Variants in BBS5 observed in about 807,000 individuals in gnomAD.
BBS5 encodes the protein Bardet-Biedl syndrome 5.
Under a neutral mutation model 50.2 loss-of-function variants are expected in BBS5, and 39 were observed. That is an observed-to-expected ratio of 0.78 (90% CI 0.60 to 1.01). The LOEUF (loss-of-function observed/expected upper bound fraction) is 1.01. BBS5 is among the 50% of genes least tolerant of loss of function. The pLI, the probability that BBS5 is intolerant of heterozygous loss-of-function variation, is 0.00. For synonymous variants in BBS5, 134 were observed against 133.1 expected (o/e 1.01, Z -0.05); for missense variants, 356 against 401.5 (o/e 0.89, Z 0.97).
chr2:169,497,792 A>C (rs1683722946), intron 8 of BBS5, 103 bp downstream of exon 8: 1 of 761,808 alleles, frequency 1.3e-6, no homozygotes, highest in Admixed American at 2.2e-5. Flanking sequence ...TCTGAGAAGA[A>C]TATTAGCTTT....
chr2:169,504,860 C>T lies in BBS5; in HGVS notation c.*278C>T. On this transcript the variant is annotated 3_prime_UTR_variant, in exon 12 of 12. Coordinates refer to ENST00000295240, the MANE Select transcript of BBS5 (RefSeq NM_152384.3). ...TAGCTGGATTCCTCAGGCCCGGGCGCTCCTACAGCAGTGCCTGCACGCCCG... is the reference window on the plus strand; with the variant it reads ...TAGCTGGATTCCTCAGGCCCGGGCGTTCCTACAGCAGTGCCTGCACGCCCG... 6.2e-7 allele frequency: 1 copy of T among 1,612,248 alleles called. No homozygotes were observed. Among genetic ancestry groups the T allele is most frequent in the South Asian group, 1.1e-5 (1 of 90,914 alleles).
chr2:169,483,408 G>T (rs115670620), intron 2 of BBS5, among the ~76,000 whole-genome samples: 1 of 151,846 alleles, frequency 6.6e-6, no homozygotes, highest in African/African-American at 2.4e-5. Context: ...CACCTGTCTC[G>T]GCCTCCCAAA....
intron 5 of BBS5, among the ~76,000 whole-genome samples, chr2:169,491,134 T>A (rs1683595818): frequency 6.6e-6 from 1 of 152,242 alleles, no homozygotes; most frequent in African/African-American, 2.4e-5. Context: ...CATTTGTGTA[T>A]AAGTTTTGTG....
intron 1 of BBS5, among the ~76,000 whole-genome samples, chr2:169,480,328 G>A (rs1274686082): frequency 2.0e-5 from 3 of 152,146 alleles, no homozygotes; most frequent in African/African-American, 7.2e-5. Context: ...GGGAAATGCC[G>A]GTTGGGTTAC....
intron 2 of BBS5, among the ~76,000 whole-genome samples, chr2:169,484,418 G>A (rs1683457051): frequency 6.6e-6 from 1 of 152,100 alleles, no homozygotes; most frequent in Non-Finnish European, 1.5e-5. Flanking sequence ...GTGTGTGTGT[G>A]TGCACAGACC....
At chr2:169,495,870 C>A (rs1683682838) in intron 7 of BBS5, among the ~76,000 whole-genome samples, 1 of 152,146 alleles carries the variant, frequency 6.6e-6, no homozygotes, top group Admixed American at 6.5e-5. Context: ...GTTTCCCAGG[C>A]TGGTCTCAAA....
chr2:169,481,146 A>C (rs1683385285), intron 1 of BBS5, among the ~76,000 whole-genome samples: 1 of 152,222 alleles, frequency 6.6e-6, no homozygotes. Context: ...TGCAGGAGAT[A>C]CATACAGACA....
intron 2 of BBS5, chr2:169,482,638 G>C (rs1240314890): frequency 2.8e-6 from 1 of 363,156 alleles, no homozygotes; most frequent in African/African-American, 2.1e-5. Flanking sequence ...CCCAAAAAAG[G>C]ATATGGGGTA....
At position 169,488,040 on chromosome 2, in the gene BBS5, T is replaced by C. The variant is rs1197883324; in HGVS notation, c.312T>C (p.Thr104=). ...ALYILTKCNS[T]RFEFIFTNLV... The stretch of plus-strand genomic sequence containing the variant: ...ATATACTAACAAAATGTAACAGTAC[T>C]CGTTTTGAATTTATATTTACAAATT... The change falls in exon 5 of 12, where the codon ACT becomes ACC. Residue 104 remains threonine, a synonymous_variant. Coordinates refer to ENST00000295240, the MANE Select transcript of BBS5 (RefSeq NM_152384.3). 1 of 1,613,484 alleles carries C rather than the reference T, an allele frequency of 6.2e-7. No individual in the cohort carries two copies. Among genetic ancestry groups the C allele is most frequent in the Non-Finnish European group, 8.5e-7 (1 of 1,179,580 alleles).
At chr2:169,489,623 T>A (rs541671177) in intron 5 of BBS5, among the ~76,000 whole-genome samples, 4 of 150,898 alleles carry the variant, frequency 2.7e-5, no homozygotes, top group Admixed American at 6.6e-5. Flanking sequence ...TTTTTATATT[T>A]TTTCTTCTTG....
In BBS5 at chr2:169,504,880, C is replaced by T. The variant is rs375408097; in HGVS notation, c.*298C>T. ...GGGCGCTCCTACAGCAGTGCCTGCA[C>T]GCCCGGCTGCAAATTCGCCCAGCCA... On this transcript the variant is annotated 3_prime_UTR_variant, in exon 12 of 12. Coordinates refer to ENST00000295240, the MANE Select transcript of BBS5 (RefSeq NM_152384.3). The T allele has an allele frequency of 7.6e-5, 123 of 1,613,220 alleles. No individual in the cohort carries two copies. Among genetic ancestry groups the T allele is most frequent in the Non-Finnish European group, 9.6e-5 (113 of 1,179,758 alleles).
Position 169,493,017 on chromosome 2 carries a change from G to T in BBS5, c.522+8G>T. On this transcript the variant is annotated splice_region_variant and intron_variant, in intron 6 of 11. Transcript: ENST00000295240. Reference sequence around the variant, plus strand: ...AATTTATCCAGTGATCAGGTATTGTGCAAAGAGCTAGTGAACCTTTTGGGA... The same window carrying T: ...AATTTATCCAGTGATCAGGTATTGTTCAAAGAGCTAGTGAACCTTTTGGGA... 6.2e-7 allele frequency: 1 copy of T among 1,613,310 alleles called. No homozygotes were observed. Among genetic ancestry groups the T allele is most frequent in the Non-Finnish European group, 8.5e-7 (1 of 1,179,666 alleles).
chr2:169,503,298 G>A, intron 10 of BBS5, 120 bp downstream of exon 10: 1 of 782,276 alleles, frequency 1.3e-6, no homozygotes, highest in Non-Finnish European at 2.1e-6. Flanking sequence ...TCTTAAACCT[G>A]AGTTTGAAGA....
intron 3 of BBS5, among the ~76,000 whole-genome samples, chr2:169,487,588 G>C (rs1683508044): frequency 6.6e-6 from 1 of 151,402 alleles, no homozygotes; most frequent in Non-Finnish European, 1.5e-5. Context: ...CCTTTTTCCT[G>C]TGTTATATTT....
At position 169,505,719 on chromosome 2, in the gene BBS5, C is replaced by T; in HGVS notation, c.*1137C>T. On this transcript the variant is annotated 3_prime_UTR_variant, in exon 12 of 12. Transcript: ENST00000295240. Reference sequence around the variant, plus strand: ...CTGATAAGTAAGGAGCCCCTCTGCCCAGCAGCCGCCCCGTCTGAGAAGTGA... The same window carrying T: ...CTGATAAGTAAGGAGCCCCTCTGCCTAGCAGCCGCCCCGTCTGAGAAGTGA... The T allele has an allele frequency of 4.9e-6, 1 of 202,534 alleles. No homozygotes were observed. Among genetic ancestry groups the T allele is most frequent in the South Asian group, 6.8e-5 (1 of 14,718 alleles). 12.5% of individuals were successfully genotyped at this position (202,534 alleles called of 1,614,324 possible). A position where few individuals can be genotyped will look rare whatever the true frequency, so the allele number is the denominator to read the frequency against.
At chr2:169,484,718 C>G (rs1039346356) in intron 2 of BBS5, among the ~76,000 whole-genome samples, 8 of 152,188 alleles carry the variant, frequency 5.3e-5, no homozygotes, top group African/African-American at 1.9e-4. Flanking sequence ...AGATAAAATG[C>G]TGCTTAGGTG....
At chr2:169,495,377 T>G (rs1487189024) in intron 7 of BBS5, among the ~76,000 whole-genome samples, 1 of 152,210 alleles carries the variant, frequency 6.6e-6, no homozygotes, top group Non-Finnish European at 1.5e-5. Flanking sequence ...GTAAACAACC[T>G]TGTGCTTTCT....
chr2:169,494,122 C>T (rs1440911062), intron 7 of BBS5, among the ~76,000 whole-genome samples: 2 of 152,172 alleles, frequency 1.3e-5, no homozygotes, highest in Non-Finnish European at 2.9e-5. Context: ...TAAGGTGTCT[C>T]TTGGATTCCA....
intron 5 of BBS5, among the ~76,000 whole-genome samples, chr2:169,490,643 T>C (rs1015740253): frequency 1.3e-5 from 2 of 152,226 alleles, no homozygotes; most frequent in Admixed American, 1.3e-4. Context: ...AATTTTTTAA[T>C]TGAGATATAA....
Sources: gnomAD v4.1 joint callset for allele counts (sites outside exome capture counted in the v4.1 genomes callset) on GRCh38, gnomAD v4.1.1 for gene constraint, MANE v1.5 for transcripts, NCBI Gene and HGNC (gene_info 2026-07-23, HGNC 2026-07-21) for gene names.